The following GMDS variants were observed in gnomAD, a reference collection of about 807,000 sequenced individuals.
GMDS encodes the protein GDP-mannose 4,6 dehydratase.
GMDS carries 20 observed loss-of-function variants against 49.9 expected under a neutral mutation model. That is an observed-to-expected ratio of 0.40 (90% CI 0.28 to 0.58). The LOEUF (loss-of-function observed/expected upper bound fraction) is 0.58. Among genes scored for constraint, GMDS ranks in the 20% least tolerant of loss-of-function variants. The pLI, the probability that GMDS is intolerant of heterozygous loss-of-function variation, is 0.42. For missense variants in GMDS, 362 were observed against 481.4 expected (o/e 0.75, Z 2.32); for synonymous variants, 177 against 178.6 (o/e 0.99, Z 0.07).
rs924817893 is a variant in GMDS at position 1,969,325 on chromosome 6, T to C, written c.346-8359A>G. On this transcript the variant is annotated intron_variant, in intron 4 of 10. Coordinates refer to ENST00000380815, the MANE Select transcript of GMDS (RefSeq NM_001500.4). ...AGAAAAAAAGAAATTAGATGAAATATATATTTATATATTTAATTATCCTGT... is the reference window on the plus strand; with the variant it reads ...AGAAAAAAAGAAATTAGATGAAATACATATTTATATATTTAATTATCCTGT... Among the ~76,000 whole-genome samples the C allele has an allele frequency of 1.0e-4, 14 of 134,920 alleles. No individual in the cohort carries two copies. The East Asian group carries it at 1.5e-3, about 15-fold the overall frequency. The allele number at this position is 134,920 out of a possible 152,430, so 88.5% of individuals were successfully genotyped here.
chr6:2,005,712 C>T lies in GMDS; in HGVS notation c.346-44746G>A, dbSNP rs11242728. ...TCAAAGAGAAAACCACAGAGGTCTG[C>T]CAACTGGCACACACCTCAGATATCC... On this transcript the variant is annotated intron_variant, in intron 4 of 10. Coordinates refer to ENST00000380815, the MANE Select transcript of GMDS (RefSeq NM_001500.4). Among the ~76,000 whole-genome samples, 1,375 of 152,266 alleles carry T rather than the reference C, an allele frequency of 9.0e-3. 6 individuals carry two copies. The highest frequency in any genetic ancestry group is 0.015 in the Non-Finnish European group (1,012 of 68,012).
chr6:2,211,699 A>G (rs558899057), intron 1 of GMDS, among the ~76,000 whole-genome samples: 5 of 152,346 alleles, frequency 3.3e-5, no homozygotes, highest in African/African-American at 1.2e-4. Flanking sequence ...GCAGGAAAAA[A>G]TACGTATTTC....
At chr6:1,681,594 C>T (rs888201163) in intron 9 of GMDS, among the ~76,000 whole-genome samples, 7 of 152,154 alleles carry the variant, frequency 4.6e-5, no homozygotes, top group Non-Finnish European at 5.9e-5. Context: ...GAGTGGCATC[C>T]GCCAGCTCCC....
chr6:2,014,880 G>C (rs1380221792), intron 4 of GMDS, among the ~76,000 whole-genome samples: 2 of 152,056 alleles, frequency 1.3e-5, no homozygotes, highest in African/African-American at 4.8e-5. Flanking sequence ...GGATGGATAA[G>C]TGTATATCAT....
At chr6:2,081,445 A>T (rs1223756840) in intron 4 of GMDS, among the ~76,000 whole-genome samples, 1 of 152,162 alleles carries the variant, frequency 6.6e-6, no homozygotes. Context: ...GGATTCCTCC[A>T]GACAACCTTC....
Position 1,773,790 on chromosome 6 carries a change from G to GTC in GMDS, c.772-31206_772-31205dup, listed in dbSNP as rs570121973. ...AAGGAAAGAGTTAATCAAGATTTCA[G>GTC]TCTCCTTGGGAAGCACCCAGGAGAG... On this transcript the variant is annotated intron_variant, in intron 7 of 10. Coordinates refer to ENST00000380815, the MANE Select transcript of GMDS (RefSeq NM_001500.4). Among the ~76,000 whole-genome samples the GTC allele has an allele frequency of 2.1e-3, 315 of 152,346 alleles. 2 individuals are homozygous for GTC. The highest frequency in any genetic ancestry group is 5.9e-3 in the African/African-American group (244 of 41,578).
rs143808282 is a variant in GMDS, at chr6:2,127,762, G to A, written c.103-3031C>T. On this transcript the variant is annotated intron_variant, in intron 1 of 10. Transcript: ENST00000380815. ...GCCCCTGGGGGACTCCAGGAGAGAC[G>A]TGGTATCTGAGCAGGCAGACGTCCG... is the stretch of plus-strand genomic sequence containing the variant. Among the ~76,000 whole-genome samples, 981 of 152,338 alleles carry A rather than the reference G, an allele frequency of 6.4e-3. 14 individuals carry two copies. Among genetic ancestry groups the A allele is most frequent in the African/African-American group, 0.023 (955 of 41,582 alleles).
At chr6:1,716,537 C>G (rs6912170) in intron 9 of GMDS, among the ~76,000 whole-genome samples, 7,080 of 152,238 alleles carry the variant, frequency 0.047, 553 homozygotes, top group African/African-American at 0.16. Context: ...AGTGGCTAAG[C>G]TGCTGCACAG....
intron 9 of GMDS, among the ~76,000 whole-genome samples, chr6:1,709,682 C>T (rs1765878064): frequency 6.6e-6 from 1 of 152,214 alleles, no homozygotes. Context: ...AAACCCACTC[C>T]TCTGGCTGCC....
chr6:1,728,920 A>G (rs1291860596), intron 8 of GMDS, among the ~76,000 whole-genome samples: 2 of 151,466 alleles, frequency 1.3e-5, no homozygotes, highest in African/African-American at 4.8e-5. Flanking sequence ...TAAGACTGTA[A>G]AACCTGTCCT....
chr6:2,193,879 A>G (rs1028561485), intron 1 of GMDS, among the ~76,000 whole-genome samples: 1 of 151,832 alleles, frequency 6.6e-6, no homozygotes, highest in African/African-American at 2.4e-5. Flanking sequence ...ATCCACCACC[A>G]CGCCCAGCTA....
chr6:1,729,434 A>G (rs1323296033), intron 8 of GMDS, among the ~76,000 whole-genome samples: 1 of 152,212 alleles, frequency 6.6e-6, no homozygotes, highest in African/African-American at 2.4e-5. Context: ...GCCCTCTACA[A>G]TTAATATAGC....
intron 4 of GMDS, among the ~76,000 whole-genome samples, chr6:2,039,922 C>T (rs145311036): frequency 1.2e-4 from 18 of 152,232 alleles, no homozygotes; most frequent in Non-Finnish European, 1.9e-4. Context: ...TAACTGTATG[C>T]GCTAGACTTC....
intron 7 of GMDS, among the ~76,000 whole-genome samples, chr6:1,917,462 A>G (rs1761462943): frequency 6.6e-6 from 1 of 152,268 alleles, no homozygotes; most frequent in Non-Finnish European, 1.5e-5. Flanking sequence ...TGGGAGAATC[A>G]AATACAAAGA....
At chr6:1,853,293 C>A (rs912995444) in intron 7 of GMDS, among the ~76,000 whole-genome samples, 1 of 151,122 alleles carries the variant, frequency 6.6e-6, no homozygotes, top group Non-Finnish European at 1.5e-5. Flanking sequence ...CCGAGGCGGG[C>A]GGATCACGAG....
At chr6:2,113,201 A>G (rs913351350) in intron 4 of GMDS, among the ~76,000 whole-genome samples, 1 of 152,048 alleles carries the variant, frequency 6.6e-6, no homozygotes, top group South Asian at 2.1e-4. Context: ...TCCCCTGGGC[A>G]CTGGAGCCCT....
chr6:1,921,014 G>A (rs564997754), intron 7 of GMDS, among the ~76,000 whole-genome samples: 4 of 152,138 alleles, frequency 2.6e-5, no homozygotes, highest in Non-Finnish European at 4.4e-5. Context: ...ATCAATGAGC[G>A]TGACTAAAGG....
At position 1,911,734 on chromosome 6, in the gene GMDS, T is replaced by C. The variant is rs536985502; in HGVS notation, c.771+18369A>G. 2.1e-4 allele frequency among the ~76,000 whole-genome samples: 32 copies of C among 152,294 alleles called. No individual in the cohort carries two copies. The South Asian group carries it at 3.9e-3, about 19-fold the overall frequency. ...CTGACTTGCAACATAAATTGAACCA[T>C]TGAAGGATTTAAATGTTCCTCATTA... On this transcript the variant is annotated intron_variant, in intron 7 of 10. Coordinates refer to ENST00000380815, the MANE Select transcript of GMDS (RefSeq NM_001500.4).
intron 7 of GMDS, among the ~76,000 whole-genome samples, chr6:1,914,954 G>A (rs1055660961): frequency 2.0e-5 from 3 of 152,210 alleles, no homozygotes; most frequent in Non-Finnish European, 4.4e-5. Context: ...TTGGGATGGT[G>A]AGGATACCTT....
Sources: allele counts gnomAD v4.1 joint callset (sites outside exome capture counted in the v4.1 genomes callset), GRCh38; gene constraint gnomAD v4.1.1; transcripts MANE v1.5; gene names NCBI Gene and HGNC (gene_info 2026-07-23, HGNC 2026-07-21).